ZNF676: variants seen among roughly 807,000 people sequenced by gnomAD.
The protein encoded by ZNF676 is zinc finger protein 676.
ZNF676 carries 4 observed loss-of-function variants against 6.0 expected under a neutral mutation model. The ratio of observed to expected loss-of-function variants is 0.67; its 90% CI spans 0.33 to 1.53. ZNF676 has a LOEUF of 1.53. ZNF676 is among the 40% of genes most tolerant of loss of function. The pLI is 0.06. For synonymous variants in ZNF676, 198 were observed against 223.1 expected (o/e 0.89, Z 1.00); for missense variants, 644 against 679.7 (o/e 0.95, Z 0.58).
the ZNF676 span, among the ~76,000 whole-genome samples, chr19:22,242,133 C>T: frequency 1.3e-5 from 2 of 151,900 alleles, no homozygotes; most frequent in Non-Finnish European, 2.9e-5. Flanking sequence ...CTCCTGGTGA[C>T]TGGTATGAGA....
upstream of ZNF676, among the ~76,000 whole-genome samples, chr19:22,218,548 C>T (rs1325978022): frequency 1.3e-5 from 2 of 148,328 alleles, no homozygotes; most frequent in Non-Finnish European, 3.0e-5. Flanking sequence ...GTTTCACCAT[C>T]TTGGCCAGGC....
the ZNF676 span, among the ~76,000 whole-genome samples, chr19:22,235,336 T>C: frequency 3.3e-5 from 5 of 152,168 alleles, no homozygotes; most frequent in East Asian, 1.9e-4. Context: ...AGAGCCTTCT[T>C]CTTTTCTGGA....
rs572928682 is a variant in ZNF676, at chr19:22,184,379, T to G, written c.131-2793A>C. ...ACAACCCACAGACCAGAAGATTCCC[T>G]CTGGTGCCTATGACACCAGGGCCCT... On this transcript the variant is annotated intron_variant, in intron 2 of 2. Transcript: ENST00000397121. 2.3e-4 allele frequency among the ~76,000 whole-genome samples: 35 copies of G among 152,242 alleles called. No individual in the cohort carries two copies. In the South Asian group the frequency reaches 6.4e-3, roughly 28 times the overall value.
chr19:22,244,896 C>T, the ZNF676 span: 1 of 152,234 alleles, frequency 6.6e-6, no homozygotes, highest in East Asian at 1.9e-4. Context: ...AAAAGATTTA[C>T]ATCACCTAAG....
intron 2 of ZNF676, among the ~76,000 whole-genome samples, chr19:22,191,540 T>C (rs1168658920): frequency 3.9e-5 from 6 of 152,090 alleles, no homozygotes; most frequent in East Asian, 1.9e-4. Flanking sequence ...TCTGCCTACA[T>C]AGAATCCCAC....
At chr19:22,232,926 G>A in the ZNF676 span, among the ~76,000 whole-genome samples, 1 of 151,968 alleles carries the variant, frequency 6.6e-6, no homozygotes, top group African/African-American at 2.4e-5. Flanking sequence ...TGAAGAAATA[G>A]ACACAGCAAC....
chr19:22,185,080 C>T (rs1245593353), intron 2 of ZNF676, among the ~76,000 whole-genome samples: 2 of 152,074 alleles, frequency 1.3e-5, no homozygotes, highest in Admixed American at 6.6e-5. Context: ...TAAGAGACAC[C>T]TCCCAGTAGA....
At chr19:22,211,212 T>C (rs1349841457) in intron 1 of ZNF676, among the ~76,000 whole-genome samples, 1 of 152,108 alleles carries the variant, frequency 6.6e-6, no homozygotes, top group Non-Finnish European at 1.5e-5. Flanking sequence ...ATCTTAACCT[T>C]AACTGCATCT....
rs111749597 is a variant in ZNF676, at chr19:22,181,102, G to C, written c.615C>G (p.Ala205=). ...TAGTAAGGATTGAGAACTTACTAAA[G>C]GCTTTGCCACATTCTTCACATTTGT... ...KPYKCEECGK[A]FSKFSILTKH... is the part of the protein sequence containing the mutation. Residue 205 remains alanine, a synonymous_variant, in exon 3 of 3, where the codon GCC becomes GCG. Coordinates refer to ENST00000397121, the MANE Select transcript of ZNF676 (RefSeq NM_001001411.3). The C allele has an allele frequency of 3.8e-6, 6 of 1,595,720 alleles. No homozygotes were observed. The South Asian group carries it at 5.5e-5, about 15-fold the overall frequency.
chr19:22,180,150 G>A lies in ZNF676; in HGVS notation c.1567C>T (p.His523Tyr), dbSNP rs1457320488. ...TTCTCTCCAGTATGAATTATCTTATGTTCAGTAAGGATCGAGGACCAGCTG... is the reference window on the plus strand; with the variant it reads ...TTCTCTCCAGTATGAATTATCTTATATTCAGTAAGGATCGAGGACCAGCTG... Reference protein sequence around the residue: ...AFSWSSILTEHKIIHTGEKPY... With the variant: ...AFSWSSILTEYKIIHTGEKPY... The change falls in exon 3 of 3, where the codon CAT becomes TAT. Residue 523 changes from histidine to tyrosine, a missense_variant. By Grantham distance (83) the His-to-Tyr change is moderately conservative. Around this residue, in one of 5 missense-constraint regions of ZNF676, gnomAD observed 306 missense variants for 265.4 expected, o/e 1.15. Transcript: ENST00000397121. The A allele has an allele frequency of 6.2e-7, 1 of 1,613,472 alleles. No individual in the cohort carries two copies. Among genetic ancestry groups the A allele is most frequent in the African/African-American group, 1.3e-5 (1 of 74,820 alleles).
chr19:22,216,903 C>G (rs1472636834), upstream of ZNF676, among the ~76,000 whole-genome samples: 1 of 149,966 alleles, frequency 6.7e-6, no homozygotes, highest in Non-Finnish European at 1.5e-5. Flanking sequence ...CCACTGCACT[C>G]CATTCTGGGT....
At chr19:22,206,345 T>C (rs1322240916) in intron 1 of ZNF676, among the ~76,000 whole-genome samples, 1 of 152,102 alleles carries the variant, frequency 6.6e-6, no homozygotes, top group Admixed American at 6.6e-5. Context: ...AAAAGGCAAC[T>C]TCAGGCCAAT....
chr19:22,211,337 TA>T (rs2024127962), intron 1 of ZNF676, among the ~76,000 whole-genome samples: 1 of 152,142 alleles, frequency 6.6e-6, no homozygotes, highest in Non-Finnish European at 1.5e-5. Flanking sequence ...CAGAAGGAAC[TA>T]AATGGGCCTT....
chr19:22,209,836 G>A (rs1321077556), intron 1 of ZNF676, among the ~76,000 whole-genome samples: 1 of 152,166 alleles, frequency 6.6e-6, no homozygotes, highest in Admixed American at 6.5e-5. Flanking sequence ...TTCCGTGTCT[G>A]AAAATAGGGA....
chr19:22,232,252 C>T, the ZNF676 span, among the ~76,000 whole-genome samples: 2 of 151,960 alleles, frequency 1.3e-5, no homozygotes, highest in African/African-American at 2.4e-5. Flanking sequence ...ACTGCAACTT[C>T]CACCTCCCAG....
rs558179803 is a variant in ZNF676, at chr19:22,210,607, C to T, written c.3+5025G>A. Among the ~76,000 whole-genome samples, 9 of 152,254 alleles carry T rather than the reference C, an allele frequency of 5.9e-5. No homozygotes were observed. The East Asian group carries it at 1.4e-3, about 23-fold the overall frequency. ...GCTAGGATTAATAAAATTCTCTATC[C>T]TCTGTGTTCTCCAGGAACACTTATG... On this transcript the variant is annotated intron_variant, in intron 1 of 3. Coordinates refer to the ZNF676 transcript ENST00000650058.
At chr19:22,243,473 G>C in the ZNF676 span, 2 of 151,978 alleles carry the variant, frequency 1.3e-5, no homozygotes, top group African/African-American at 4.9e-5. Flanking sequence ...CTGGTGCATA[G>C]ATATGTTACA....
the ZNF676 span, among the ~76,000 whole-genome samples, chr19:22,223,528 TA>T: frequency 2.0e-3 from 292 of 148,042 alleles, 4 homozygotes; most frequent in South Asian, 0.019. Flanking sequence ...TTTTTTTTTT[TA>T]AATTTTACTG....
chr19:22,228,802 T>A, the ZNF676 span, among the ~76,000 whole-genome samples: 1 of 152,106 alleles, frequency 6.6e-6, no homozygotes, highest in Admixed American at 6.6e-5. Flanking sequence ...TTCCAAGGGA[T>A]GTGAAGGACC....
Sources: allele counts gnomAD v4.1 joint callset (sites outside exome capture counted in the v4.1 genomes callset), GRCh38; gene constraint gnomAD v4.1.1; regional missense constraint gnomAD v4.1.1; transcripts MANE v1.5; gene names NCBI Gene and HGNC (gene_info 2026-07-23, HGNC 2026-07-21).